Variants in HS6ST3 observed in about 807,000 individuals in gnomAD.
HS6ST3 encodes the protein heparan sulfate 6-O-sulfotransferase 3, also known as heparan-sulfate 6-O-sulfotransferase 3.
Under a neutral mutation model 36.7 loss-of-function variants are expected in HS6ST3, and 12 were observed. The ratio of observed to expected loss-of-function variants is 0.33; its 90% CI spans 0.21 to 0.53. HS6ST3 has a LOEUF of 0.53. HS6ST3 is among the 20% of genes least tolerant of loss of function. HS6ST3 has a pLI of 0.95. For synonymous variants in HS6ST3, 240 were observed against 257.5 expected (o/e 0.93, Z 0.65); for missense variants, 584 against 640.9 (o/e 0.91, Z 0.96).
intron 1 of HS6ST3, among the ~76,000 whole-genome samples, chr13:96,696,851 C>A (rs1432097205): frequency 1.3e-5 from 2 of 152,102 alleles, no homozygotes; most frequent in African/African-American, 2.4e-5. Context: ...GAACTCAAGA[C>A]CTGCTCTCAC....
chr13:96,291,493 T>C (rs1403589766), intron 1 of HS6ST3, among the ~76,000 whole-genome samples: 1 of 152,122 alleles, frequency 6.6e-6, no homozygotes, highest in Non-Finnish European at 1.5e-5. Context: ...CGTGCTAGTG[T>C]GGAAAGATGA....
intron 1 of HS6ST3, among the ~76,000 whole-genome samples, chr13:96,127,984 C>A (rs1375291703): frequency 6.6e-6 from 1 of 152,136 alleles, no homozygotes; most frequent in Non-Finnish European, 1.5e-5. Flanking sequence ...AGTATATATA[C>A]CCAACCCTAT....
At chr13:96,233,475 G>T (rs1209453037) in intron 1 of HS6ST3, among the ~76,000 whole-genome samples, 1 of 152,094 alleles carries the variant, frequency 6.6e-6, no homozygotes, top group Non-Finnish European at 1.5e-5. Flanking sequence ...TATTATAAAG[G>T]GTTTGGAATA....
chr13:96,527,803 G>A (rs1056928905), intron 1 of HS6ST3, among the ~76,000 whole-genome samples: 8 of 152,182 alleles, frequency 5.3e-5, no homozygotes, highest in African/African-American at 1.7e-4. Context: ...AGCAGATGCC[G>A]TGGCTAAGTA....
chr13:96,558,019 A>G (rs9300361), intron 1 of HS6ST3, among the ~76,000 whole-genome samples: 13,210 of 152,142 alleles, frequency 0.087, 1,037 homozygotes, highest in African/African-American at 0.21. Flanking sequence ...GGGCTGTCCA[A>G]TTATCATCAA....
rs1432221716 is a variant in HS6ST3 at position 96,090,782 on chromosome 13, C to T, written c.-81C>T. On this transcript the variant is annotated 5_prime_UTR_variant, in exon 1 of 2. Transcript: ENST00000376705. ...CGGGCTCCGAGCCGCGCCCCGGAGT[C>T]CGCGAAACTTCCGAGCGGGCGCCCG... 8.2e-7 allele frequency: 1 copy of T among 1,226,246 alleles called. No individual in the cohort carries two copies. Among genetic ancestry groups the T allele is most frequent in the East Asian group, 3.3e-5 (1 of 30,046 alleles). The allele number at this position is 1,226,246 out of a possible 1,614,324, so 76.0% of individuals were successfully genotyped here.
At chr13:96,359,593 T>C (rs991137123) in intron 1 of HS6ST3, among the ~76,000 whole-genome samples, 2 of 152,144 alleles carry the variant, frequency 1.3e-5, no homozygotes, top group African/African-American at 4.8e-5. Context: ...AACCTGGTTT[T>C]AACAAGATTT....
rs191430164 is a variant in HS6ST3, at chr13:96,343,531, A to C, written c.707+251962A>C. On this transcript the variant is annotated intron_variant, in intron 1 of 1. Coordinates refer to ENST00000376705, the MANE Select transcript of HS6ST3 (RefSeq NM_153456.4). The stretch of plus-strand genomic sequence containing the variant: ...AATCCAGACTGATCTCCCTATCCTG[A>C]GGTCAGCTAAATTCCTTAATTCCCC... Among the ~76,000 whole-genome samples, 4 of 151,250 alleles carry C rather than the reference A, an allele frequency of 2.6e-5. No homozygotes were observed. The East Asian group carries it at 7.7e-4, about 29-fold the overall frequency.
chr13:96,317,356 A>ATATATATAAAAT (rs1555297617), intron 1 of HS6ST3, among the ~76,000 whole-genome samples: 13 of 14,204 alleles, frequency 9.2e-4, no homozygotes, highest in East Asian at 3.0e-3. Context: ...ATATATATAT[A>ATATATATAAAAT]TATATATATA....
chr13:96,229,518 AG>A (rs1294918643), intron 1 of HS6ST3, among the ~76,000 whole-genome samples: 102 of 152,280 alleles, frequency 6.7e-4, no homozygotes, highest in African/African-American at 2.4e-3. Flanking sequence ...GTGGAGAGAA[AG>A]ACAGGAAACC....
chr13:96,513,974 C>A (rs552202605), intron 1 of HS6ST3, among the ~76,000 whole-genome samples: 1 of 151,796 alleles, frequency 6.6e-6, no homozygotes, highest in Non-Finnish European at 1.5e-5. Context: ...GTGGTTGTAG[C>A]GTTGTGGGAG....
At chr13:96,440,489 G>GAA (rs1177395396) in intron 1 of HS6ST3, among the ~76,000 whole-genome samples, 138 of 142,558 alleles carry the variant, frequency 9.7e-4, no homozygotes, top group African/African-American at 3.0e-3. Flanking sequence ...GGGGAGGGGA[G>GAA]AGGAGAAAGG....
At chr13:96,146,944 G>T (rs1211853783) in intron 1 of HS6ST3, among the ~76,000 whole-genome samples, 2 of 152,156 alleles carry the variant, frequency 1.3e-5, no homozygotes, top group Non-Finnish European at 2.9e-5. Context: ...GCAAAAGAAG[G>T]TTGTTATACC....
chr13:96,180,930 G>A (rs998056302), intron 1 of HS6ST3, among the ~76,000 whole-genome samples: 2 of 151,970 alleles, frequency 1.3e-5, no homozygotes, highest in African/African-American at 4.8e-5. Context: ...AGAGGCATAG[G>A]GAATAAGAAT....
chr13:96,599,335 C>A (rs1476348100), intron 1 of HS6ST3, among the ~76,000 whole-genome samples: 1 of 151,914 alleles, frequency 6.6e-6, no homozygotes, highest in Non-Finnish European at 1.5e-5. Context: ...TCAGTCTGTT[C>A]AAAATTTCTA....
chr13:96,475,456 T>C (rs180919322), intron 1 of HS6ST3, among the ~76,000 whole-genome samples: 2 of 152,132 alleles, frequency 1.3e-5, no homozygotes, highest in East Asian at 3.9e-4. Context: ...ATATAATGTG[T>C]CCTTCAAGCT....
At chr13:96,668,381 C>T (rs995345513) in intron 1 of HS6ST3, among the ~76,000 whole-genome samples, 1 of 152,156 alleles carries the variant, frequency 6.6e-6, no homozygotes, top group African/African-American at 2.4e-5. Flanking sequence ...CACGAGGACA[C>T]ACAACTAATG....
intron 1 of HS6ST3, among the ~76,000 whole-genome samples, chr13:96,522,314 A>G (rs1156546891): frequency 1.3e-5 from 2 of 152,194 alleles, no homozygotes; most frequent in African/African-American, 2.4e-5. Flanking sequence ...TGCTGAGAAG[A>G]ACGTATATTC....
At position 96,300,047 on chromosome 13, in the gene HS6ST3, C is replaced by CT. The variant is rs11350737; in HGVS notation, c.707+208505dup. 9.1e-3 allele frequency among the ~76,000 whole-genome samples: 677 copies of CT among 74,578 alleles called. 78 individuals are homozygous for CT. Among genetic ancestry groups the CT allele is most frequent in the Middle Eastern group, 0.019 (2 of 108 alleles). The allele number at this position is 74,578 out of a possible 152,430, so 48.9% of individuals were successfully genotyped here. A position where few individuals can be genotyped will look rare whatever the true frequency, so the allele number is the denominator to read the frequency against. On this transcript the variant is annotated intron_variant, in intron 1 of 1. Transcript: ENST00000376705. ...AGAAAGCGAAGGGAAAAGTGCTACA[C>CT]TTTTTTTTTTTTTTTTTTTTTTTTT...
Sources: allele counts gnomAD v4.1 joint callset (sites outside exome capture counted in the v4.1 genomes callset), GRCh38; gene constraint gnomAD v4.1.1; transcripts MANE v1.5; gene names NCBI Gene and HGNC (gene_info 2026-07-23, HGNC 2026-07-21).